EBF1: variants seen among roughly 807,000 people sequenced by gnomAD.
EBF1 encodes the protein transcription factor COE1.
Under a neutral mutation model 68.4 loss-of-function variants are expected in EBF1, and 10 were observed. The observed-to-expected ratio is 0.15, with a 90% confidence interval of 0.09 to 0.25. The LOEUF (loss-of-function observed/expected upper bound fraction) is 0.25. EBF1 is among the 10% of genes least tolerant of loss of function. The pLI, the probability that EBF1 is intolerant of heterozygous loss-of-function variation, is 1.00. For synonymous variants in EBF1, 298 were observed against 299.8 expected (o/e 0.99, Z 0.06); for missense variants, 509 against 794.4 (o/e 0.64, Z 4.32).
At chr5:159,081,139 G>C (rs1471000004) in intron 5 of EBF1, among the ~76,000 whole-genome samples, 1 of 151,862 alleles carries the variant, frequency 6.6e-6, no homozygotes, top group African/African-American at 2.4e-5. Flanking sequence ...CACCATGCCT[G>C]GCTAATTTTT....
At chr5:158,934,289 G>A (rs1051925729) in intron 6 of EBF1, among the ~76,000 whole-genome samples, 1 of 152,154 alleles carries the variant, frequency 6.6e-6, no homozygotes, top group Non-Finnish European at 1.5e-5. Context: ...CAATGCCAGT[G>A]TAGTACAGTG....
intron 6 of EBF1, among the ~76,000 whole-genome samples, chr5:158,840,418 G>C (rs1240954294): frequency 1.3e-5 from 2 of 152,122 alleles, no homozygotes; most frequent in African/African-American, 4.8e-5. Context: ...GTTCCAATTG[G>C]ATATAATTGT....
At chr5:159,048,278 C>T (rs904835027) in intron 6 of EBF1, among the ~76,000 whole-genome samples, 3 of 152,236 alleles carry the variant, frequency 2.0e-5, no homozygotes, top group Non-Finnish European at 4.4e-5. Context: ...AAGCTTCCCT[C>T]CCCATAGGAA....
At chr5:158,848,419 T>G (rs747212725) in intron 6 of EBF1, among the ~76,000 whole-genome samples, 3 of 152,200 alleles carry the variant, frequency 2.0e-5, no homozygotes, top group Non-Finnish European at 4.4e-5. Flanking sequence ...TATAGCCAAT[T>G]ATAAATTTTA....
At chr5:158,968,653 A>G (rs1365611163) in intron 6 of EBF1, among the ~76,000 whole-genome samples, 1 of 152,236 alleles carries the variant, frequency 6.6e-6, no homozygotes, top group African/African-American at 2.4e-5. Flanking sequence ...TGGGAAGAAC[A>G]TACCACTGAA....
chr5:158,734,011 C>T (rs944568721), intron 10 of EBF1, among the ~76,000 whole-genome samples: 1 of 152,092 alleles, frequency 6.6e-6, no homozygotes, highest in African/African-American at 2.4e-5. Flanking sequence ...AAGGCACCCG[C>T]ATGGAATAGA....
At chr5:158,920,733 T>C (rs58258217) in intron 6 of EBF1, among the ~76,000 whole-genome samples, 250 of 152,266 alleles carry the variant, frequency 1.6e-3, no homozygotes, top group African/African-American at 5.0e-3. Flanking sequence ...CATGAGCCAC[T>C]GCACTTGGCT....
At chr5:159,075,252 C>A (rs1472253276) in intron 5 of EBF1, among the ~76,000 whole-genome samples, 1 of 152,142 alleles carries the variant, frequency 6.6e-6, no homozygotes, top group Non-Finnish European at 1.5e-5. Context: ...TCACTAAAGC[C>A]ACAATGAAGC....
chr5:158,918,392 T>C (rs61052130), intron 6 of EBF1, among the ~76,000 whole-genome samples: 11,818 of 152,228 alleles, frequency 0.078, 1,130 homozygotes, highest in East Asian at 0.52. Flanking sequence ...AGAAACAGAC[T>C]CTTGACATCA....
chr5:159,064,149 C>CAT (rs1163629008), intron 6 of EBF1, among the ~76,000 whole-genome samples: 3 of 152,020 alleles, frequency 2.0e-5, no homozygotes, highest in South Asian at 4.2e-4. Flanking sequence ...TGTATATATG[C>CAT]ATATATGTGT....
intron 6 of EBF1, among the ~76,000 whole-genome samples, chr5:158,954,371 C>G (rs1816643054): frequency 6.6e-6 from 1 of 152,222 alleles, no homozygotes; most frequent in Admixed American, 6.5e-5. Flanking sequence ...GCCAAATGTA[C>G]TCTAGGCCTT....
chr5:158,836,234 T>C (rs1425303737), intron 7 of EBF1, among the ~76,000 whole-genome samples: 1 of 152,132 alleles, frequency 6.6e-6, no homozygotes, highest in Non-Finnish European at 1.5e-5. Context: ...GGGTGTCAGG[T>C]CTCAGAGATT....
At chr5:158,782,111 A>C (rs910164387) in intron 9 of EBF1, among the ~76,000 whole-genome samples, 1 of 152,150 alleles carries the variant, frequency 6.6e-6, no homozygotes, top group Non-Finnish European at 1.5e-5. Context: ...ATTCTTTCCT[A>C]AACATTCTTC....
At chr5:158,949,714 T>C (rs759251101) in intron 6 of EBF1, among the ~76,000 whole-genome samples, 9 of 152,226 alleles carry the variant, frequency 5.9e-5, no homozygotes, top group Admixed American at 2.0e-4. Flanking sequence ...GCTTTCCCAT[T>C]GTATCTATTC....
chr5:159,097,668 C>A, intron 1 of EBF1: 1 of 234,586 alleles, frequency 4.3e-6, no homozygotes, highest in Non-Finnish European at 8.4e-6. Context: ...ATCCCCCCAC[C>A]ACCAAAAAGC....
At chr5:159,008,866 A>G (rs562319216) in intron 6 of EBF1, among the ~76,000 whole-genome samples, 1 of 152,254 alleles carries the variant, frequency 6.6e-6, no homozygotes, top group East Asian at 1.9e-4. Context: ...CAAGTCCTCT[A>G]TAACAAGTAA....
intron 10 of EBF1, among the ~76,000 whole-genome samples, chr5:158,757,309 C>T (rs1770341839): frequency 6.6e-6 from 1 of 152,138 alleles, no homozygotes; most frequent in African/African-American, 2.4e-5. Context: ...CTGCACTCTC[C>T]TTCCTGCAAA....
chr5:159,099,530 A>T lies in EBF1; in HGVS notation c.-52T>A. ...CTCCTCCCCCTTGAAAAAAATTAAA[A>T]AAAAAAAAAAAGGAAAGAAAAGAAA... On this transcript the variant is annotated 5_prime_UTR_variant, in exon 1 of 16. Coordinates refer to ENST00000313708, the MANE Select transcript of EBF1 (RefSeq NM_024007.5). 7.0e-7 allele frequency: 1 copy of T among 1,423,252 alleles called. No homozygotes were observed. The highest frequency in any genetic ancestry group is 1.5e-5 in the South Asian group (1 of 65,944). 88.2% of individuals were successfully genotyped at this position (1,423,252 alleles called of 1,614,324 possible).
intron 6 of EBF1, among the ~76,000 whole-genome samples, chr5:158,886,185 T>C (rs1800001716): frequency 6.6e-6 from 1 of 152,234 alleles, no homozygotes; most frequent in Non-Finnish European, 1.5e-5. Context: ...AAAGTCATAA[T>C]TCAAGGCATG....
Sources: gnomAD v4.1 joint callset for allele counts (sites outside exome capture counted in the v4.1 genomes callset) on GRCh38, gnomAD v4.1.1 for gene constraint, MANE v1.5 for transcripts, NCBI Gene and HGNC (gene_info 2026-07-23, HGNC 2026-07-21) for gene names.